Variants in TRHDE observed in about 807,000 individuals in gnomAD.
The protein encoded by TRHDE is thyrotropin releasing hormone degrading enzyme.
In TRHDE, 72 loss-of-function variants were observed where a neutral mutation model predicts 125.7. The ratio of observed to expected loss-of-function variants is 0.57; its 90% CI spans 0.47 to 0.70. The LOEUF is 0.70. Among genes scored for constraint, TRHDE ranks in the 30% least tolerant of loss-of-function variants. The probability of loss-of-function intolerance (pLI) is 0.00; values close to 1 mark genes in which losing one functional copy is unlikely to be tolerated. For synonymous variants in TRHDE, 509 were observed against 509.1 expected, an observed-to-expected ratio of 1.00 and a Z score of 0.00; for missense variants, 1,110 against 1,327.1, an observed-to-expected ratio of 0.84 and a Z score of 2.54.
At chr12:72,576,660 TA>T (rs544674102) in intron 12 of TRHDE, among the ~76,000 whole-genome samples, 5 of 152,140 alleles carry the variant, frequency 3.3e-5, no homozygotes, top group Middle Eastern at 3.4e-3. Context: ...CTTTTCTATT[TA>T]AAAAAATACT....
At chr12:72,155,668 G>A (rs1178137096) in intron 2 of TRHDE, among the ~76,000 whole-genome samples, 3 of 152,180 alleles carry the variant, frequency 2.0e-5, no homozygotes, top group African/African-American at 4.8e-5. Context: ...TCCAGACCCC[G>A]TTTGCCTGGG....
intron 2 of TRHDE, among the ~76,000 whole-genome samples, chr12:72,145,983 A>T (rs1350544172): frequency 6.6e-6 from 1 of 152,210 alleles, no homozygotes; most frequent in African/African-American, 2.4e-5. Context: ...TCCTCTAAAG[A>T]TATTCCTGGT....
chr12:72,499,669 T>A, intron 6 of TRHDE, 34 bp downstream of exon 6: 1 of 1,606,416 alleles, frequency 6.2e-7, no homozygotes, highest in Non-Finnish European at 8.5e-7. Flanking sequence ...AATTAGATAT[T>A]TCATTACCAA....
chr12:72,329,226 T>G lies in TRHDE; in HGVS notation c.1188+42272T>G, dbSNP rs542369796. ...GAAGCAGAGGGCATTATGGCAAAGCTAGAGGCACATTCTTACTTTTGGATA... is the reference window on the plus strand; with the variant it reads ...GAAGCAGAGGGCATTATGGCAAAGCGAGAGGCACATTCTTACTTTTGGATA... On this transcript the variant is annotated intron_variant, in intron 2 of 18. Transcript: ENST00000261180. Among the ~76,000 whole-genome samples, 13 of 152,338 alleles carry G rather than the reference T, an allele frequency of 8.5e-5. No homozygotes were observed. The South Asian group carries it at 2.7e-3, about 32-fold the overall frequency.
intron 17 of TRHDE, among the ~76,000 whole-genome samples, chr12:72,656,566 A>G (rs1009592870): frequency 1.3e-5 from 2 of 152,124 alleles, no homozygotes; most frequent in African/African-American, 4.8e-5. Context: ...TTTCCCTTCC[A>G]GTAAGCTAGG....
intron 2 of TRHDE, among the ~76,000 whole-genome samples, chr12:72,304,298 A>G (rs976067329): frequency 2.0e-5 from 3 of 152,132 alleles, no homozygotes; most frequent in Non-Finnish European, 4.4e-5. Flanking sequence ...TGAATTTAAT[A>G]TCTACTTTGT....
intron 12 of TRHDE, among the ~76,000 whole-genome samples, chr12:72,586,654 G>T (rs1020566092): frequency 6.6e-6 from 1 of 152,058 alleles, no homozygotes; most frequent in Non-Finnish European, 1.5e-5. Context: ...GAATGGCCTG[G>T]AGTGCAGTTG....
chr12:72,421,539 C>G (rs993931983), intron 3 of TRHDE, among the ~76,000 whole-genome samples: 1 of 152,152 alleles, frequency 6.6e-6, no homozygotes, highest in Non-Finnish European at 1.5e-5. Context: ...GATCTGGCCT[C>G]TAAAGTTATG....
At chr12:72,584,623 G>T (rs1368910634) in intron 12 of TRHDE, among the ~76,000 whole-genome samples, 1 of 152,060 alleles carries the variant, frequency 6.6e-6, no homozygotes, top group Non-Finnish European at 1.5e-5. Flanking sequence ...ATCTTTTTTA[G>T]ATTCCACATA....
intron 5 of TRHDE, among the ~76,000 whole-genome samples, chr12:72,480,324 G>A (rs1223964680): frequency 6.6e-6 from 1 of 151,448 alleles, no homozygotes; most frequent in Non-Finnish European, 1.5e-5. Context: ...TCCAGCACCT[G>A]TTGTTTCCTG....
rs555989974 is a variant in TRHDE at position 72,416,677 on chromosome 12, A to G, written c.1315+38556A>G. Among the ~76,000 whole-genome samples, 6 of 152,220 alleles carry G rather than the reference A, an allele frequency of 3.9e-5. No homozygotes were observed. In the East Asian group the frequency reaches 1.2e-3, roughly 29 times the overall value. On this transcript the variant is annotated intron_variant, in intron 3 of 18. Coordinates refer to ENST00000261180, the MANE Select transcript of TRHDE (RefSeq NM_013381.3). ...GTTCTTGGCAACTTTGTCAAAAATA[A>G]GTTAGCTGTAAATATGTGGATTTAT...
At chr12:72,442,259 T>C (rs1875051126) in intron 3 of TRHDE, among the ~76,000 whole-genome samples, 1 of 151,852 alleles carries the variant, frequency 6.6e-6, no homozygotes, top group Non-Finnish European at 1.5e-5. Flanking sequence ...GTAGAGAGCC[T>C]CATCGATGTG....
chr12:72,621,594 G>T, intron 14 of TRHDE, 50 bp from the exon 15 acceptor site: 3 of 1,344,460 alleles, frequency 2.2e-6, no homozygotes, highest in Non-Finnish European at 3.1e-6. Flanking sequence ...TTTAGGGAAT[G>T]AATTTCCCTA....
intron 2 of TRHDE, among the ~76,000 whole-genome samples, chr12:72,294,537 C>A (rs534008574): frequency 6.6e-6 from 1 of 152,152 alleles, no homozygotes; most frequent in African/African-American, 2.4e-5. Flanking sequence ...TGCATCCAGT[C>A]GTCTGGATGT....
chr12:72,294,721 T>A (rs1377672029), intron 2 of TRHDE, among the ~76,000 whole-genome samples: 1 of 152,082 alleles, frequency 6.6e-6, no homozygotes, highest in Non-Finnish European at 1.5e-5. Flanking sequence ...CACCCAGGAA[T>A]CTTTCTGCCT....
intron 1 of TRHDE, among the ~76,000 whole-genome samples, chr12:72,094,920 A>T (rs544625783): frequency 1.3e-5 from 2 of 152,212 alleles, no homozygotes; most frequent in African/African-American, 4.8e-5. Context: ...ACTTTTGTTC[A>T]TGGATGGCTG....
At chr12:72,441,982 TG>T (rs1875037377) in intron 3 of TRHDE, among the ~76,000 whole-genome samples, 2 of 151,572 alleles carry the variant, frequency 1.3e-5, no homozygotes, top group Admixed American at 6.6e-5. Context: ...AAAGGCTGAG[TG>T]GGGGTGTTAA....
intron 2 of TRHDE, among the ~76,000 whole-genome samples, chr12:72,150,181 T>C (rs1226192866): frequency 6.6e-6 from 1 of 152,092 alleles, no homozygotes; most frequent in Non-Finnish European, 1.5e-5. Flanking sequence ...TATTGTGTGG[T>C]TGAAGAATAT....
At chr12:72,157,008 A>G (rs533543765) in intron 2 of TRHDE, among the ~76,000 whole-genome samples, 17 of 152,288 alleles carry the variant, frequency 1.1e-4, no homozygotes, top group African/African-American at 3.9e-4. Context: ...TTAAGAGATG[A>G]CACGTAACTG....
Sources: gnomAD v4.1 joint callset for allele counts (sites outside exome capture counted in the v4.1 genomes callset) on GRCh38, gnomAD v4.1.1 for gene constraint, MANE v1.5 for transcripts, NCBI Gene and HGNC (gene_info 2026-07-23, HGNC 2026-07-21) for gene names.